The following TMTC2 variants were observed in gnomAD, a reference collection of about 807,000 sequenced individuals.
TMTC2 encodes transmembrane O-mannosyltransferase targeting cadherins 2.
In TMTC2, 43 loss-of-function variants were observed where a neutral mutation model predicts 82.4. That is an observed-to-expected ratio of 0.52 (90% confidence interval 0.41 to 0.67). The LOEUF (loss-of-function observed/expected upper bound fraction) is 0.67, where lower values mean the gene tolerates loss of function less well. Ranked by LOEUF, TMTC2 falls within the 30% of genes least tolerant of loss-of-function variation. The probability of loss-of-function intolerance (pLI) is 0.00; values close to 1 mark genes in which losing one functional copy is unlikely to be tolerated. For synonymous variants in TMTC2, 408 were observed against 381.9 expected (o/e 1.07, Z -0.80); for missense variants, 919 against 1,012.4 (o/e 0.91, Z 1.25).
intron 7 of TMTC2, among the ~76,000 whole-genome samples, chr12:82,973,492 A>G (rs1379553219): frequency 6.6e-6 from 1 of 152,186 alleles, no homozygotes; most frequent in Non-Finnish European, 1.5e-5. Flanking sequence ...GCTATGTATC[A>G]AAAATAATGA....
At chr12:83,060,840 G>A (rs1474548240) in intron 10 of TMTC2, among the ~76,000 whole-genome samples, 1 of 151,736 alleles carries the variant, frequency 6.6e-6, no homozygotes, top group Non-Finnish European at 1.5e-5. Context: ...GGTCTTTTCT[G>A]TGAATCACAG....
intron 8 of TMTC2, among the ~76,000 whole-genome samples, chr12:82,999,509 T>C (rs1592684077): frequency 6.6e-6 from 1 of 152,046 alleles, no homozygotes; most frequent in East Asian, 1.9e-4. Flanking sequence ...CTGGGCAATT[T>C]ACAAAAGAAA....
intron 1 of TMTC2, among the ~76,000 whole-genome samples, chr12:82,696,482 G>A (rs1269925795): frequency 6.6e-6 from 1 of 152,160 alleles, no homozygotes; most frequent in African/African-American, 2.4e-5. Context: ...AGATACCAGT[G>A]TGCAGCTTGA....
chr12:83,024,215 A>C (rs1811650608), intron 8 of TMTC2, among the ~76,000 whole-genome samples: 1 of 152,228 alleles, frequency 6.6e-6, no homozygotes, highest in African/African-American at 2.4e-5. Context: ...AGAATGTCAC[A>C]TGTAACACAT....
At chr12:82,754,264 T>C (rs527587123) in intron 1 of TMTC2, among the ~76,000 whole-genome samples, 1 of 152,250 alleles carries the variant, frequency 6.6e-6, no homozygotes, top group Non-Finnish European at 1.5e-5. Context: ...ATTCACTGAG[T>C]TAAGAAAACT....
chr12:82,912,945 A>AAC (rs1874774748), intron 3 of TMTC2, among the ~76,000 whole-genome samples: 1 of 151,414 alleles, frequency 6.6e-6, no homozygotes, highest in Non-Finnish European at 1.5e-5. Flanking sequence ...GTCTGAAAAA[A>AAC]AAAAAAAAAA....
At chr12:83,030,514 C>T (rs1223681413) in intron 8 of TMTC2, among the ~76,000 whole-genome samples, 2 of 151,746 alleles carry the variant, frequency 1.3e-5, no homozygotes, top group South Asian at 4.2e-4. Flanking sequence ...TCTGTGAGAC[C>T]TTTTTTGTTT....
At chr12:82,878,387 G>T (rs1488370693) in intron 2 of TMTC2, among the ~76,000 whole-genome samples, 3 of 152,200 alleles carry the variant, frequency 2.0e-5, no homozygotes, top group Non-Finnish European at 4.4e-5. Context: ...CAAGTTATGA[G>T]ATTGGTGAAC....
chr12:82,790,505 T>C (rs573199413), intron 1 of TMTC2, among the ~76,000 whole-genome samples: 1 of 152,192 alleles, frequency 6.6e-6, no homozygotes, highest in South Asian at 2.1e-4. Context: ...AAGAAGTAAA[T>C]TGCTGGACCA....
chr12:82,955,682 T>A (rs1326718488), intron 4 of TMTC2, among the ~76,000 whole-genome samples: 1 of 152,182 alleles, frequency 6.6e-6, no homozygotes, highest in African/African-American at 2.4e-5. Context: ...GAAATAGTAG[T>A]AGTTCATATC....
At chr12:82,918,708 CT>C (rs1875173505) in intron 3 of TMTC2, among the ~76,000 whole-genome samples, 1 of 129,936 alleles carries the variant, frequency 7.7e-6, no homozygotes, top group South Asian at 2.7e-4. Context: ...TATCTTTTTT[CT>C]TTTCTTCTCT....
chr12:83,048,871 G>A (rs2137453608), intron 9 of TMTC2, among the ~76,000 whole-genome samples: 1 of 152,272 alleles, frequency 6.6e-6, no homozygotes, highest in Non-Finnish European at 1.5e-5. Context: ...CTTTCACCAT[G>A]TTGGCCAGGC....
intron 1 of TMTC2, among the ~76,000 whole-genome samples, chr12:82,804,226 A>G (rs750388727): frequency 2.0e-5 from 3 of 152,100 alleles, no homozygotes; most frequent in Non-Finnish European, 2.9e-5. Flanking sequence ...ATAGCATGAA[A>G]TGTTTTTATG....
chr12:83,091,957 T>C (rs540901793), intron 11 of TMTC2, among the ~76,000 whole-genome samples: 1 of 152,224 alleles, frequency 6.6e-6, no homozygotes, highest in Non-Finnish European at 1.5e-5. Context: ...TTAGTGAAAA[T>C]GCAAGTTGTA....
chr12:82,693,284 T>C (rs1057240237), intron 1 of TMTC2, among the ~76,000 whole-genome samples: 15 of 152,252 alleles, frequency 9.9e-5, no homozygotes, highest in Admixed American at 2.0e-4. Flanking sequence ...AAAACTTTCA[T>C]TGGGAGTCTG....
chr12:82,694,471 A>G (rs968251347), intron 1 of TMTC2, among the ~76,000 whole-genome samples: 1 of 152,180 alleles, frequency 6.6e-6, no homozygotes, highest in African/African-American at 2.4e-5. Flanking sequence ...GTACCTTAGT[A>G]TTTGGCAGAG....
rs1436378990 is a variant in TMTC2, at chr12:83,132,397, G to A, written c.*8G>A. 6.2e-7 allele frequency: 1 copy of A among 1,612,582 alleles called. No individual in the cohort carries two copies. Among genetic ancestry groups the A allele is most frequent in the East Asian group, 2.2e-5 (1 of 44,816 alleles). On this transcript the variant is annotated 3_prime_UTR_variant, in exon 12 of 12. Coordinates refer to ENST00000321196, the MANE Select transcript of TMTC2 (RefSeq NM_152588.3). ...AAGACTTCTAAGACCTGACACAGGAGGCAGAAGCCCATCCTCCTCCATTTT... is the reference window on the plus strand; with the variant it reads ...AAGACTTCTAAGACCTGACACAGGAAGCAGAAGCCCATCCTCCTCCATTTT...
chr12:83,108,670 C>T lies in TMTC2; in HGVS notation c.2332-23540C>T, dbSNP rs1165590299. On this transcript the variant is annotated intron_variant, in intron 11 of 11. Transcript: ENST00000321196. ...GTGAACTACAACACCACTAAGACCA[C>T]TGGAGCAATGCAATAATAACATTAA... Among the ~76,000 whole-genome samples the T allele has an allele frequency of 2.0e-5, 3 of 151,560 alleles. No individual in the cohort carries two copies. The East Asian group carries it at 5.8e-4, about 29-fold the overall frequency.
chr12:83,037,866 CGTTAAAGAATAATTT>C (rs1881724820), intron 9 of TMTC2, among the ~76,000 whole-genome samples: 2 of 151,630 alleles, frequency 1.3e-5, no homozygotes, highest in South Asian at 4.2e-4. Flanking sequence ...GACAATAAAC[CGTTAAAGAATAATTT>C]CTTTAAAGGC....
Sources: allele counts gnomAD v4.1 joint callset (sites outside exome capture counted in the v4.1 genomes callset), GRCh38; gene constraint gnomAD v4.1.1; transcripts MANE v1.5; gene names NCBI Gene and HGNC (gene_info 2026-07-23, HGNC 2026-07-21).